The following MYO1B variants were observed in gnomAD, a reference collection of about 807,000 sequenced individuals.
The protein encoded by MYO1B is myosin IB.
Under a neutral mutation model 159.7 loss-of-function variants are expected in MYO1B, and 72 were observed. That is an observed-to-expected ratio of 0.45 (90% CI 0.37 to 0.55). The LOEUF (loss-of-function observed/expected upper bound fraction) is 0.55, where lower values mean the gene tolerates loss of function less well. Among genes scored for constraint, MYO1B ranks in the 20% least tolerant of loss-of-function variants. MYO1B has a pLI of 0.00. For synonymous variants in MYO1B, 468 were observed against 473.8 expected, an observed-to-expected ratio of 0.99 and a Z score of 0.16; for missense variants, 1,062 against 1,364.8, an observed-to-expected ratio of 0.78 and a Z score of 3.50.
chr2:191,383,576 G>A (rs1287412434), intron 15 of MYO1B, among the ~76,000 whole-genome samples: 2 of 147,602 alleles, frequency 1.4e-5, no homozygotes, highest in Non-Finnish European at 3.0e-5. Context: ...GAACTGCAGA[G>A]TTCTAGAGAT....
intron 2 of MYO1B, among the ~76,000 whole-genome samples, chr2:191,282,868 G>A (rs775047590): frequency 6.6e-6 from 1 of 152,220 alleles, no homozygotes; most frequent in Non-Finnish European, 1.5e-5. Flanking sequence ...AGACTTGGTT[G>A]TATGTGAGTG....
At chr2:191,274,583 A>G (rs1687640220) in intron 1 of MYO1B, among the ~76,000 whole-genome samples, 1 of 152,210 alleles carries the variant, frequency 6.6e-6, no homozygotes, top group African/African-American at 2.4e-5. Context: ...TTCTTCCCTC[A>G]TCTGCCAAAT....
At chr2:191,294,649 G>A (rs1688874045) in intron 2 of MYO1B, among the ~76,000 whole-genome samples, 1 of 152,078 alleles carries the variant, frequency 6.6e-6, no homozygotes, top group Non-Finnish European at 1.5e-5. Context: ...GATTAATTGG[G>A]TCCTAGTGAT....
intron 21 of MYO1B, among the ~76,000 whole-genome samples, chr2:191,398,517 G>A (rs566600382): frequency 2.0e-3 from 306 of 150,592 alleles, no homozygotes; most frequent in African/African-American, 7.3e-3. Flanking sequence ...CAGACGGGGC[G>A]GTTGCCAGGC....
chr2:191,365,699 C>A (rs1335789778), intron 11 of MYO1B, among the ~76,000 whole-genome samples: 1 of 152,090 alleles, frequency 6.6e-6, no homozygotes, highest in Admixed American at 6.5e-5. Flanking sequence ...TGGAAACAAT[C>A]AAAGGATTTA....
At chr2:191,324,305 C>CT in intron 3 of MYO1B, among the ~76,000 whole-genome samples, 1 of 151,794 alleles carries the variant, frequency 6.6e-6, no homozygotes. Flanking sequence ...TTTCTTCCCT[C>CT]TTTTTTTTCT....
Position 191,414,184 on chromosome 2 carries a change from A to C in MYO1B, c.3006+4A>C. 1 of 1,610,196 alleles carries C rather than the reference A, an allele frequency of 6.2e-7. No individual in the cohort carries two copies. The highest frequency in any genetic ancestry group is 8.5e-7 in the Non-Finnish European group (1 of 1,178,776). ...AATTAACCGTGCTAATGGGAAGGTA[A>C]AAATGCTAACCTTGAAGACTGATAA... On this transcript the variant is annotated splice_donor_region_variant and intron_variant, in intron 28 of 30. Coordinates refer to ENST00000392318, the MANE Select transcript of MYO1B (RefSeq NM_001130158.3).
chr2:191,383,547 C>CAT (rs1177171872), intron 15 of MYO1B, among the ~76,000 whole-genome samples: 1,072 of 14,546 alleles, frequency 0.074, 55 homozygotes, highest in East Asian at 0.41. Context: ...CACACACACA[C>CAT]ATATATATAT....
chr2:191,279,995 G>T (rs778968436), intron 2 of MYO1B, among the ~76,000 whole-genome samples: 1 of 152,078 alleles, frequency 6.6e-6, no homozygotes, highest in Non-Finnish European at 1.5e-5. Flanking sequence ...GCTCTAAATC[G>T]GGGGGTTCAG....
At chr2:191,267,067 C>T (rs887250228) in intron 1 of MYO1B, among the ~76,000 whole-genome samples, 4 of 152,016 alleles carry the variant, frequency 2.6e-5, no homozygotes, top group African/African-American at 9.7e-5. Context: ...AGAAACAGAC[C>T]TTGATCTTGG....
chr2:191,297,071 T>C (rs1689025818), intron 3 of MYO1B, among the ~76,000 whole-genome samples: 1 of 152,238 alleles, frequency 6.6e-6, no homozygotes, highest in Non-Finnish European at 1.5e-5. Flanking sequence ...AAAACTTTTT[T>C]ATTTATTCTT....
intron 1 of MYO1B, among the ~76,000 whole-genome samples, chr2:191,254,872 A>C (rs140908174): frequency 6.6e-6 from 1 of 152,194 alleles, no homozygotes; most frequent in African/African-American, 2.4e-5. Flanking sequence ...TTATTAACTC[A>C]TCAAATGTTT....
intron 1 of MYO1B, among the ~76,000 whole-genome samples, chr2:191,274,634 A>G (rs973814743): frequency 9.2e-5 from 14 of 152,216 alleles, no homozygotes; most frequent in African/African-American, 2.9e-4. Context: ...TTGGCATTAC[A>G]TGGAGCCTGA....
At chr2:191,396,541 G>A (rs980273874) in intron 21 of MYO1B, 44 bp downstream of exon 21, 4 of 1,594,982 alleles carry the variant, frequency 2.5e-6, no homozygotes, top group Non-Finnish European at 3.4e-6. Flanking sequence ...GGGTTTTCTG[G>A]TTTTTCACAA....
Position 191,364,222 on chromosome 2 carries a change from C to T in MYO1B, c.978C>T (p.Phe326=), listed in dbSNP as rs532881047. Residue 326 remains phenylalanine (F), a synonymous_variant, in exon 11 of 31, where the codon TTC becomes TTT. Coordinates refer to ENST00000392318, the MANE Select transcript of MYO1B (RefSeq NM_001130158.3). ...CAGTTCTAGAACGAGCATTCAGTTT[C>T]CGAACAGTTGAGGCCAAACAGGAGA... ...DQSVLERAFS[F]RTVEAKQEKV... is the part of the protein sequence containing the mutation. The T allele has an allele frequency of 3.0e-5, 48 of 1,613,944 alleles. No homozygotes were observed. The East Asian group carries it at 7.6e-4, about 25-fold the overall frequency.
intron 9 of MYO1B, 31 bp downstream of exon 9, chr2:191,362,402 A>C: frequency 6.5e-7 from 1 of 1,537,152 alleles, no homozygotes; most frequent in Non-Finnish European, 9.0e-7. Context: ...CAAGCTTTAA[A>C]TTGCATACCA....
chr2:191,276,881 C>G lies in MYO1B; in HGVS notation c.-9-6C>G. On this transcript the variant is annotated splice_polypyrimidine_tract_variant and splice_region_variant and intron_variant, in intron 1 of 30. Coordinates refer to ENST00000392318, the MANE Select transcript of MYO1B (RefSeq NM_001130158.3). ...TTAAATTGACCCCTTTCCCTCTCTT[C>G]TGCAGCTGGAGACCATGGCCAAAAT... 6.3e-7 allele frequency: 1 copy of G among 1,596,394 alleles called. No homozygotes were observed. Among genetic ancestry groups the G allele is most frequent in the Non-Finnish European group, 8.5e-7 (1 of 1,174,038 alleles).
chr2:191,386,081 A>C lies in MYO1B; in HGVS notation c.1551A>C (p.Gly517=). The C allele has an allele frequency of 6.2e-7, 1 of 1,614,038 alleles. No individual in the cohort carries two copies. The highest frequency in any genetic ancestry group is 8.5e-7 in the Non-Finnish European group (1 of 1,179,952). Residue 517 remains glycine (G), a synonymous_variant, in exon 16 of 31, where the codon GGA becomes GGC. Coordinates refer to ENST00000392318, the MANE Select transcript of MYO1B (RefSeq NM_001130158.3). ...HSCFRIQHYA[G]KVLYQVEGFV... Reference sequence around the variant, plus strand: ...GCTTCAGGATCCAGCATTATGCTGGAAAGGTATGGGGGAGCTGTGAGCACC... The same window carrying C: ...GCTTCAGGATCCAGCATTATGCTGGCAAGGTATGGGGGAGCTGTGAGCACC...
At chr2:191,299,967 T>C (rs1689210131) in intron 3 of MYO1B, among the ~76,000 whole-genome samples, 2 of 152,226 alleles carry the variant, frequency 1.3e-5, no homozygotes, top group African/African-American at 4.8e-5. Context: ...GTTGTAATAA[T>C]AAGGTATGTG....
Sources: allele counts gnomAD v4.1 joint callset (sites outside exome capture counted in the v4.1 genomes callset), GRCh38; gene constraint gnomAD v4.1.1; transcripts MANE v1.5; gene names NCBI Gene and HGNC (gene_info 2026-07-23, HGNC 2026-07-21).